The following RGS6 variants were observed in gnomAD, a reference collection of about 807,000 sequenced individuals.
RGS6 encodes the protein regulator of G protein signaling 6.
RGS6 carries 30 observed loss-of-function variants against 78.5 expected under a neutral mutation model. The observed-to-expected ratio is 0.38, with a 90% CI of 0.29 to 0.52. RGS6 has a LOEUF of 0.52. Ranked by LOEUF, RGS6 falls within the 20% of genes least tolerant of loss-of-function variation. RGS6 has a pLI of 0.85. For missense variants in RGS6, 495 were observed against 609.7 expected, an observed-to-expected ratio of 0.81 and a Z score of 1.98; for synonymous variants, 206 against 206.0, an observed-to-expected ratio of 1.00 and a Z score of 0.00.
chr14:72,089,690 A>G (rs929879676), intron 2 of RGS6, among the ~76,000 whole-genome samples: 5 of 152,272 alleles, frequency 3.3e-5, no homozygotes, highest in Non-Finnish European at 5.9e-5. Context: ...TGTATTTTGC[A>G]TATGCTAATG....
chr14:72,403,216 GATGA>G (rs571597119), intron 3 of RGS6, among the ~76,000 whole-genome samples: 9 of 152,328 alleles, frequency 5.9e-5, no homozygotes, highest in African/African-American at 2.2e-4. Context: ...TCCATCGACA[GATGA>G]ATGGATAAAG....
intron 17 of RGS6, among the ~76,000 whole-genome samples, chr14:72,559,892 A>G (rs776094867): frequency 1.3e-5 from 2 of 152,160 alleles, no homozygotes; most frequent in Non-Finnish European, 2.9e-5. Context: ...TGGAAGCCTC[A>G]GGGCCAAATT....
intron 2 of RGS6, among the ~76,000 whole-genome samples, chr14:72,152,549 AGTT>A (rs1245283752): frequency 6.6e-6 from 1 of 152,196 alleles, no homozygotes; most frequent in Non-Finnish European, 1.5e-5. Flanking sequence ...GCTGACATAC[AGTT>A]GTTTTGTAAA....
intron 17 of RGS6, among the ~76,000 whole-genome samples, chr14:72,549,910 C>T (rs1372605178): frequency 2.6e-5 from 4 of 152,144 alleles, no homozygotes; most frequent in African/African-American, 7.2e-5. Flanking sequence ...AGAAACTATG[C>T]CCCCACCCTG....
intron 1 of RGS6, among the ~76,000 whole-genome samples, chr14:71,943,511 T>C (rs2090990414): frequency 6.6e-6 from 1 of 152,170 alleles, no homozygotes; most frequent in Non-Finnish European, 1.5e-5. Flanking sequence ...GACTCCCAAG[T>C]CTCTGAGAAT....
At chr14:72,056,284 C>T (rs1343287046) in intron 2 of RGS6, among the ~76,000 whole-genome samples, 1 of 152,222 alleles carries the variant, frequency 6.6e-6, no homozygotes, top group Non-Finnish European at 1.5e-5. Context: ...CAGCCCTGCT[C>T]ATAGTATGCC....
intron 12 of RGS6, among the ~76,000 whole-genome samples, chr14:72,491,125 T>C (rs1178814805): frequency 2.0e-5 from 3 of 152,232 alleles, no homozygotes; most frequent in African/African-American, 4.8e-5. Context: ...GTAGGAATTG[T>C]GGCTCTGACT....
Position 72,495,250 on chromosome 14 carries a change from A to G in RGS6, c.953A>G (p.Asp318Gly), listed in dbSNP as rs766826610. ...ATCAGCGATGACGTTGCTTTGTGGG[A>G]CATAGAGATGAGGTAAAAAATGTTT... is the stretch of plus-strand genomic sequence containing the variant. ...PWISDDVALWDIEMSKEPSQQ... is the reference protein window; with the variant it reads ...PWISDDVALWGIEMSKEPSQQ... The change falls in exon 13 of 18, where the codon GAC (aspartate) becomes GGC (glycine). Residue 318 changes from aspartate to glycine, a missense_variant. Transcript: ENST00000553525. 1 of 1,609,576 alleles carries G rather than the reference A, an allele frequency of 6.2e-7. No homozygotes were observed. Among genetic ancestry groups the G allele is most frequent in the Non-Finnish European group, 8.5e-7 (1 of 1,175,882 alleles).
At chr14:71,975,739 G>A (rs574550407) in intron 2 of RGS6, among the ~76,000 whole-genome samples, 1 of 152,318 alleles carries the variant, frequency 6.6e-6, no homozygotes, top group African/African-American at 2.4e-5. Context: ...TTATAGGCAT[G>A]AGCCACCATG....
the RGS6 span, among the ~76,000 whole-genome samples, chr14:71,884,785 C>T: frequency 0.017 from 2,617 of 152,284 alleles, 84 homozygotes; most frequent in African/African-American, 0.059. Context: ...GATCCACAGA[C>T]TTTCTTGAAA....
At chr14:72,589,144 GC>G in the RGS6 span, among the ~76,000 whole-genome samples, 1 of 151,698 alleles carries the variant, frequency 6.6e-6, no homozygotes, top group Non-Finnish European at 1.5e-5. Flanking sequence ...AAAACCAACT[GC>G]CATTTCCACC....
intron 12 of RGS6, among the ~76,000 whole-genome samples, chr14:72,489,165 C>A (rs1392025065): frequency 6.7e-6 from 1 of 149,572 alleles, no homozygotes; most frequent in African/African-American, 2.5e-5. Flanking sequence ...GGCCCCCCCA[C>A]CGGCTGTTTG....
At chr14:72,029,767 AAAG>A (rs2090538889) in intron 2 of RGS6, among the ~76,000 whole-genome samples, 1 of 152,222 alleles carries the variant, frequency 6.6e-6, no homozygotes, top group African/African-American at 2.4e-5. Flanking sequence ...GAAAAAAAAT[AAAG>A]AAGATCTTGG....
chr14:72,087,402 A>G (rs1432091680), intron 2 of RGS6, among the ~76,000 whole-genome samples: 1 of 152,194 alleles, frequency 6.6e-6, no homozygotes, highest in Non-Finnish European at 1.5e-5. Context: ...AAGTGCTGGA[A>G]TTACAGGTAT....
chr14:72,337,534 A>T (rs1416305952), intron 2 of RGS6, among the ~76,000 whole-genome samples: 1 of 152,018 alleles, frequency 6.6e-6, no homozygotes, highest in South Asian at 2.1e-4. Flanking sequence ...AGACAGCAAC[A>T]TCCCCATCCA....
At chr14:72,008,278 C>T (rs979511295) in intron 2 of RGS6, among the ~76,000 whole-genome samples, 1 of 152,150 alleles carries the variant, frequency 6.6e-6, no homozygotes, top group Admixed American at 6.5e-5. Context: ...GCCTCTATAT[C>T]AAGAAGAACC....
At chr14:72,508,281 G>A (rs2153441880) in intron 13 of RGS6, among the ~76,000 whole-genome samples, 1 of 152,318 alleles carries the variant, frequency 6.6e-6, no homozygotes, top group East Asian at 1.9e-4. Flanking sequence ...AAGTAGTTGG[G>A]TTTGGATGCG....
chr14:72,362,480 C>A (rs2081638767), intron 3 of RGS6, among the ~76,000 whole-genome samples: 1 of 152,234 alleles, frequency 6.6e-6, no homozygotes, highest in South Asian at 2.1e-4. Flanking sequence ...CCATAGTCAT[C>A]TGATGGCTCA....
chr14:72,043,348 A>G (rs2092581621), intron 2 of RGS6, among the ~76,000 whole-genome samples: 1 of 152,142 alleles, frequency 6.6e-6, no homozygotes, highest in African/African-American at 2.4e-5. Flanking sequence ...AATTTTCTAT[A>G]TATATACAAA....
Sources: gnomAD v4.1 joint callset for allele counts (sites outside exome capture counted in the v4.1 genomes callset) on GRCh38, gnomAD v4.1.1 for gene constraint, MANE v1.5 for transcripts, NCBI Gene and HGNC (gene_info 2026-07-23, HGNC 2026-07-21) for gene names.